Variants in CTNNA2 observed in about 807,000 individuals in gnomAD.
CTNNA2 encodes catenin alpha 2, also known as catenin alpha-2.
Under a neutral mutation model 101.0 loss-of-function variants are expected in CTNNA2, and 42 were observed. The observed-to-expected ratio is 0.42, with a 90% CI of 0.32 to 0.54. The LOEUF is 0.54. CTNNA2 is among the 20% of genes least tolerant of loss of function. CTNNA2 has a pLI of 0.14. For synonymous variants in CTNNA2, 450 were observed against 456.4 expected, an observed-to-expected ratio of 0.99 and a Z score of 0.18; for missense variants, 871 against 1,223.1, an observed-to-expected ratio of 0.71 and a Z score of 4.29.
At chr2:79,792,477 T>C (rs1270671006) in intron 3 of CTNNA2, among the ~76,000 whole-genome samples, 5 of 152,218 alleles carry the variant, frequency 3.3e-5, no homozygotes, top group Admixed American at 1.3e-4. Flanking sequence ...TGCAGTGTAA[T>C]GTCTTAGATC....
chr2:80,609,949 A>G (rs1411007102), intron 17 of CTNNA2, among the ~76,000 whole-genome samples: 11 of 151,654 alleles, frequency 7.3e-5, no homozygotes, highest in Non-Finnish European at 4.4e-5. Flanking sequence ...ACTGGCTTTT[A>G]TCACTTGCAC....
intron 4 of CTNNA2, among the ~76,000 whole-genome samples, chr2:79,374,518 A>ATT (rs540694376): frequency 0.24 from 21,134 of 89,230 alleles, 1,647 homozygotes; most frequent in African/African-American, 0.26. Flanking sequence ...TAATATATAT[A>ATT]TATTTTTCTA....
At chr2:79,627,816 G>T (rs530950657) in intron 1 of CTNNA2, among the ~76,000 whole-genome samples, 1 of 152,142 alleles carries the variant, frequency 6.6e-6, no homozygotes, top group South Asian at 2.1e-4. Context: ...TTTATGAAAG[G>T]GTTAACATTA....
chr2:80,315,414 T>TA (rs1678017985), intron 7 of CTNNA2, among the ~76,000 whole-genome samples: 1 of 152,144 alleles, frequency 6.6e-6, no homozygotes, highest in Non-Finnish European at 1.5e-5. Context: ...CATGATCAAC[T>TA]GGAAAATTAG....
intron 7 of CTNNA2, among the ~76,000 whole-genome samples, chr2:80,098,417 C>T (rs954488977): frequency 2.0e-5 from 3 of 152,138 alleles, no homozygotes; most frequent in Admixed American, 6.5e-5. Flanking sequence ...TCCGCCCCCA[C>T]GGGGGGGTTG....
chr2:80,229,490 G>A (rs7559087), intron 7 of CTNNA2, among the ~76,000 whole-genome samples: 16,743 of 152,174 alleles, frequency 0.11, 2,052 homozygotes, highest in African/African-American at 0.3. Flanking sequence ...CTCAGGAACA[G>A]CCAGATGGAA....
chr2:80,021,500 C>G (rs1005193508), intron 7 of CTNNA2, among the ~76,000 whole-genome samples: 1 of 152,092 alleles, frequency 6.6e-6, no homozygotes, highest in Non-Finnish European at 1.5e-5. Flanking sequence ...CAAAGACCAC[C>G]TCAAAGACCC....
intron 4 of CTNNA2, among the ~76,000 whole-genome samples, chr2:79,472,789 T>C (rs1671013487): frequency 6.6e-6 from 1 of 152,178 alleles, no homozygotes. Flanking sequence ...TGCTTAATAA[T>C]TTTACCTTCA....
intron 1 of CTNNA2, among the ~76,000 whole-genome samples, chr2:79,572,891 G>T (rs1027696358): frequency 6.6e-6 from 1 of 152,102 alleles, no homozygotes; most frequent in African/African-American, 2.4e-5. Flanking sequence ...TCTGAGAAGG[G>T]TATGTTTACA....
At chr2:80,474,607 A>C (rs1218705735) in intron 9 of CTNNA2, among the ~76,000 whole-genome samples, 1 of 152,164 alleles carries the variant, frequency 6.6e-6, no homozygotes, top group Admixed American at 6.5e-5. Context: ...CAAACCAATA[A>C]AATGCAAAGT....
intron 4 of CTNNA2, among the ~76,000 whole-genome samples, chr2:79,465,312 T>C (rs1485996163): frequency 5.9e-5 from 9 of 152,170 alleles, no homozygotes; most frequent in Non-Finnish European, 1.3e-4. Context: ...CATATTATTT[T>C]TGAGGGCTCT....
At chr2:79,375,403 T>G (rs1345336668) in intron 4 of CTNNA2, among the ~76,000 whole-genome samples, 1 of 152,152 alleles carries the variant, frequency 6.6e-6, no homozygotes, top group Non-Finnish European at 1.5e-5. Context: ...TATAAGAGCT[T>G]TTCGCCATCG....
chr2:80,590,961 G>A (rs1558622265), intron 15 of CTNNA2, among the ~76,000 whole-genome samples: 1 of 152,240 alleles, frequency 6.6e-6, no homozygotes, highest in Non-Finnish European at 1.5e-5. Context: ...TAATTTGCTT[G>A]CTTTCAACAT....
chr2:79,683,917 A>G lies in CTNNA2; in HGVS notation c.102+32259A>G, dbSNP rs1183351803. Among the ~76,000 whole-genome samples the G allele has an allele frequency of 2.6e-5, 4 of 152,338 alleles. No homozygotes were observed. The East Asian group carries it at 7.7e-4, about 29-fold the overall frequency. ...AGACCTACTTTTATAGGTGGAAAAC[A>G]GCAGGTGGCCACAGAGACATAGGAT... On this transcript the variant is annotated intron_variant, in intron 2 of 18. Coordinates refer to ENST00000402739, the MANE Select transcript of CTNNA2 (RefSeq NM_001282597.3).
At chr2:79,319,602 G>C (rs1007629429) in intron 3 of CTNNA2, 4 of 151,752 alleles carry the variant, frequency 2.6e-5, no homozygotes, top group Non-Finnish European at 5.9e-5. Context: ...ATATATTAGG[G>C]AAGTAAGATA....
intron 1 of CTNNA2, among the ~76,000 whole-genome samples, chr2:79,515,177 A>G (rs372765447): frequency 7.2e-5 from 11 of 152,170 alleles, no homozygotes; most frequent in African/African-American, 2.4e-4. Context: ...TACCAGTGTT[A>G]CCAACATCCT....
At chr2:79,305,507 A>G (rs2104394666) in intron 2 of CTNNA2, among the ~76,000 whole-genome samples, 1 of 149,882 alleles carries the variant, frequency 6.7e-6, no homozygotes, top group South Asian at 2.1e-4. Context: ...TCAATGTTTT[A>G]TTATATTCTA....
chr2:80,309,699 T>A (rs139886634), intron 7 of CTNNA2, among the ~76,000 whole-genome samples: 1 of 150,470 alleles, frequency 6.6e-6, no homozygotes, highest in East Asian at 2.0e-4. Flanking sequence ...CTATTTACAT[T>A]TTTTTTTGTT....
chr2:80,020,418 C>T (rs1002736962), intron 7 of CTNNA2, among the ~76,000 whole-genome samples: 1 of 152,152 alleles, frequency 6.6e-6, no homozygotes, highest in Non-Finnish European at 1.5e-5. Context: ...AAAATCTGCT[C>T]ATTGGCATGG....
Sources: allele counts gnomAD v4.1 joint callset (sites outside exome capture counted in the v4.1 genomes callset), GRCh38; gene constraint gnomAD v4.1.1; transcripts MANE v1.5; gene names NCBI Gene and HGNC (gene_info 2026-07-23, HGNC 2026-07-21).